The following NKAIN3 variants were observed in gnomAD, a reference collection of about 807,000 sequenced individuals.
NKAIN3 encodes sodium/potassium-transporting ATPase subunit beta-1-interacting protein 3.
In NKAIN3, 25 loss-of-function variants were observed where a neutral mutation model predicts 30.2. The observed-to-expected ratio is 0.83, with a 90% CI of 0.60 to 1.16. NKAIN3 has a LOEUF of 1.16. Ranked by LOEUF, NKAIN3 falls within the 50% of genes most tolerant of loss-of-function variation. The pLI is 0.00. For synonymous variants in NKAIN3, 91 were observed against 89.6 expected, an observed-to-expected ratio of 1.02 and a Z score of -0.09; for missense variants, 225 against 254.1, an observed-to-expected ratio of 0.89 and a Z score of 0.78.
At chr8:62,535,076 T>C (rs1367362108) in intron 1 of NKAIN3, among the ~76,000 whole-genome samples, 4 of 152,178 alleles carry the variant, frequency 2.6e-5, no homozygotes, top group Non-Finnish European at 5.9e-5. Flanking sequence ...GAGTCATTAC[T>C]ACCATTCAGT....
chr8:62,856,552 G>T, intron 4 of NKAIN3: 2 of 780,832 alleles, frequency 2.6e-6, no homozygotes, highest in Non-Finnish European at 4.7e-6. Flanking sequence ...GCTGGCTTAG[G>T]CACTGTCATT....
intron 3 of NKAIN3, among the ~76,000 whole-genome samples, chr8:62,704,479 T>C (rs1675429507): frequency 6.6e-6 from 1 of 152,222 alleles, no homozygotes; most frequent in African/African-American, 2.4e-5. Flanking sequence ...TTGTGGTCTC[T>C]GTTCCCCATT....
intron 3 of NKAIN3, among the ~76,000 whole-genome samples, chr8:62,681,797 T>C (rs1813652975): frequency 6.6e-6 from 1 of 152,178 alleles, no homozygotes; most frequent in Non-Finnish European, 1.5e-5. Flanking sequence ...TGTATAATCT[T>C]GAGTAATTAT....
intron 3 of NKAIN3, among the ~76,000 whole-genome samples, chr8:62,664,512 A>G (rs1407138032): frequency 6.6e-6 from 1 of 152,090 alleles, no homozygotes; most frequent in Non-Finnish European, 1.5e-5. Context: ...CAGTCTCTTA[A>G]TAACTTTTCA....
chr8:62,464,712 T>C (rs867264744), intron 1 of NKAIN3, among the ~76,000 whole-genome samples: 5 of 152,212 alleles, frequency 3.3e-5, no homozygotes, highest in East Asian at 3.9e-4. Context: ...TAGTTGTTTA[T>C]TGTCAACTGA....
chr8:62,281,585 C>G (rs960793466), intron 1 of NKAIN3, among the ~76,000 whole-genome samples: 16 of 152,106 alleles, frequency 1.1e-4, no homozygotes, highest in African/African-American at 3.9e-4. Context: ...TCTTTGTTCT[C>G]ATTGGTTTCA....
In NKAIN3 at chr8:62,976,381, ATACATATT is replaced by A. The variant is rs1290665402; in HGVS notation, c.*10977_*10984del. Among the ~76,000 whole-genome samples the A allele has an allele frequency of 2.0e-5, 3 of 152,176 alleles. No individual in the cohort carries two copies. Among genetic ancestry groups the A allele is most frequent in the Non-Finnish European group, 4.4e-5 (3 of 68,032 alleles). On this transcript the variant is annotated 3_prime_UTR_variant, in exon 7 of 7. Transcript: ENST00000623646. ...ATCTGGGTGCTCCACTATTAGGTGCATACATATTTAGGATAGTTAGCTCTTCCTGTTGC... is the reference window on the plus strand; with the variant it reads ...ATCTGGGTGCTCCACTATTAGGTGCATAGGATAGTTAGCTCTTCCTGTTGC...
intron 4 of NKAIN3, chr8:62,863,853 A>G: frequency 6.3e-7 from 1 of 1,594,302 alleles, no homozygotes; most frequent in African/African-American, 1.3e-5. Flanking sequence ...ACTGGATGAT[A>G]GCCACCTTTG....
intron 3 of NKAIN3, among the ~76,000 whole-genome samples, chr8:62,689,858 G>A (rs905778958): frequency 1.4e-4 from 21 of 151,834 alleles, no homozygotes; most frequent in African/African-American, 5.1e-4. Context: ...ACCTGAACGA[G>A]CCCTGAGAAA....
At chr8:62,580,208 A>G (rs1810248001) in intron 2 of NKAIN3, among the ~76,000 whole-genome samples, 1 of 152,196 alleles carries the variant, frequency 6.6e-6, no homozygotes. Flanking sequence ...TTGATATTGA[A>G]TATTTCTCTG....
intron 4 of NKAIN3, among the ~76,000 whole-genome samples, chr8:62,837,533 G>T (rs928988519): frequency 1.3e-5 from 2 of 152,130 alleles, no homozygotes; most frequent in African/African-American, 4.8e-5. Context: ...GTAAGGCATT[G>T]TATTAGAGTG....
At chr8:62,707,173 G>A (rs1319585939) in intron 3 of NKAIN3, among the ~76,000 whole-genome samples, 1 of 152,060 alleles carries the variant, frequency 6.6e-6, no homozygotes, top group Non-Finnish European at 1.5e-5. Flanking sequence ...ATTGTGAATT[G>A]TGCTGCTATA....
intron 1 of NKAIN3, among the ~76,000 whole-genome samples, chr8:62,457,959 A>G (rs1269402489): frequency 2.6e-5 from 4 of 152,164 alleles, no homozygotes; most frequent in African/African-American, 9.7e-5. Flanking sequence ...ACTATTGATT[A>G]CTTACTGATT....
At chr8:62,406,682 A>G (rs894337850) in intron 1 of NKAIN3, among the ~76,000 whole-genome samples, 1 of 152,176 alleles carries the variant, frequency 6.6e-6, no homozygotes, top group Non-Finnish European at 1.5e-5. Flanking sequence ...ACCTCAAAAT[A>G]TATTTTAATG....
intron 3 of NKAIN3, among the ~76,000 whole-genome samples, chr8:62,615,311 C>G (rs1586011392): frequency 6.6e-6 from 1 of 152,004 alleles, no homozygotes; most frequent in South Asian, 2.1e-4. Context: ...CTGCCCAGTG[C>G]CCTATCCTGA....
intron 4 of NKAIN3, among the ~76,000 whole-genome samples, chr8:62,781,607 C>A (rs1447017307): frequency 6.6e-6 from 1 of 151,734 alleles, no homozygotes; most frequent in Non-Finnish European, 1.5e-5. Flanking sequence ...GAATAGAGAA[C>A]CCAGAAATAA....
chr8:62,576,226 G>GTTA (rs2130043279), intron 1 of NKAIN3, among the ~76,000 whole-genome samples: 1 of 152,060 alleles, frequency 6.6e-6, no homozygotes, highest in African/African-American at 2.4e-5. Flanking sequence ...CTGACAAAGG[G>GTTA]TTAATAAATC....
chr8:62,342,235 C>CA lies in NKAIN3; in HGVS notation c.54+93123dup, dbSNP rs3058285. Among the ~76,000 whole-genome samples the CA allele has an allele frequency of 2.5e-3, 313 of 124,752 alleles. 14 individuals are homozygous for CA. Among genetic ancestry groups the CA allele is most frequent in the East Asian group, 7.6e-3 (33 of 4,340 alleles). The allele number at this position is 124,752 out of a possible 152,430, so 81.8% of individuals were successfully genotyped here. A position where few individuals can be genotyped will look rare whatever the true frequency, so the allele number is the denominator to read the frequency against. On this transcript the variant is annotated intron_variant, in intron 1 of 6. Coordinates refer to ENST00000623646, the MANE Select transcript of NKAIN3 (RefSeq NM_001304533.3). ...GAATTGCACCCCTCAACCACTGAAC[C>CA]AAAAAAAAAAAAAAAGAGATAGAAA...
At chr8:62,741,426 GGCAAGCAA>G (rs546975057) in intron 3 of NKAIN3, among the ~76,000 whole-genome samples, 1 of 122,592 alleles carries the variant, frequency 8.2e-6, no homozygotes, top group African/African-American at 3.4e-5. Context: ...AAGGAAGGCA[GGCAAGCAA>G]GCAAGCACAC....
Sources: gnomAD v4.1 joint callset for allele counts (sites outside exome capture counted in the v4.1 genomes callset) on GRCh38, gnomAD v4.1.1 for gene constraint, MANE v1.5 for transcripts, NCBI Gene and HGNC (gene_info 2026-07-23, HGNC 2026-07-21) for gene names.